ZNF407: variants seen among roughly 807,000 people sequenced by gnomAD.
ZNF407 encodes the protein zinc finger protein 407.
Under a neutral mutation model 131.2 loss-of-function variants are expected in ZNF407, and 17 were observed. The observed-to-expected ratio is 0.13, with a 90% CI of 0.09 to 0.19. The LOEUF is 0.19. Among genes scored for constraint, ZNF407 ranks in the 10% least tolerant of loss-of-function variants. The pLI, the probability that ZNF407 is intolerant of heterozygous loss-of-function variation, is 1.00. For synonymous variants in ZNF407, 1,156 were observed against 1,062.0 expected, an observed-to-expected ratio of 1.09 and a Z score of -1.72; for missense variants, 2,681 against 2,830.6, an observed-to-expected ratio of 0.95 and a Z score of 1.20.
At chr18:74,986,986 G>A (rs371000055) in intron 8 of ZNF407, among the ~76,000 whole-genome samples, 3 of 151,618 alleles carry the variant, frequency 2.0e-5, no homozygotes, top group East Asian at 3.9e-4. Flanking sequence ...TAAAATATTA[G>A]GACTAGTATC....
intron 3 of ZNF407, among the ~76,000 whole-genome samples, chr18:74,693,064 T>C (rs1967266736): frequency 6.6e-6 from 1 of 152,248 alleles, no homozygotes; most frequent in South Asian, 2.1e-4. Flanking sequence ...GCACGTCAGT[T>C]CACTGTTGGC....
chr18:75,014,277 AT>A (rs1042191327), intron 8 of ZNF407, among the ~76,000 whole-genome samples: 2 of 152,074 alleles, frequency 1.3e-5, no homozygotes, highest in South Asian at 2.1e-4. Flanking sequence ...CACCAATTTA[AT>A]TTTTTATGGG....
chr18:74,852,106 G>A (rs1181348234), intron 4 of ZNF407, among the ~76,000 whole-genome samples: 3 of 152,124 alleles, frequency 2.0e-5, no homozygotes, highest in Admixed American at 1.3e-4. Context: ...GGAACGCTGA[G>A]TCAGGACTTT....
chr18:74,776,816 C>T (rs1168081450), intron 3 of ZNF407, among the ~76,000 whole-genome samples: 2 of 152,148 alleles, frequency 1.3e-5, no homozygotes, highest in East Asian at 3.9e-4. Context: ...ATGCTGTATT[C>T]TTACAATAAA....
chr18:74,817,749 C>T (rs1006017655), intron 4 of ZNF407, among the ~76,000 whole-genome samples: 1 of 152,146 alleles, frequency 6.6e-6, no homozygotes, highest in Non-Finnish European at 1.5e-5. Flanking sequence ...AACCACAAGG[C>T]TGAGAAGTTA....
At chr18:74,969,598 G>C (rs1308119982) in intron 8 of ZNF407, among the ~76,000 whole-genome samples, 1 of 152,202 alleles carries the variant, frequency 6.6e-6, no homozygotes, top group African/African-American at 2.4e-5. Flanking sequence ...AGGTCACCAG[G>C]TGTCTGTTGG....
In ZNF407 at chr18:74,635,852, A is replaced by C; in HGVS notation, c.4687+146A>C. On this transcript the variant is annotated intron_variant, in intron 2 of 8. Transcript: ENST00000299687. The surrounding 1 kb of genome is among the most constrained non-coding windows in gnomAD (Gnocchi z 4.7). Reference sequence around the variant, plus strand: ...TGTGCTGCTCTGCTTGTCTGCAATAAGTCATTGTTGACACTTAACATTTTT... The same window carrying C: ...TGTGCTGCTCTGCTTGTCTGCAATACGTCATTGTTGACACTTAACATTTTT... 8.9e-7 allele frequency: 1 copy of C among 1,122,918 alleles called. No individual in the cohort carries two copies. The highest frequency in any genetic ancestry group is 1.2e-6 in the Non-Finnish European group (1 of 823,600). 69.6% of individuals were successfully genotyped at this position (1,122,918 alleles called of 1,614,324 possible).
intron 3 of ZNF407, among the ~76,000 whole-genome samples, chr18:74,697,420 T>C (rs1967384435): frequency 1.3e-5 from 2 of 152,190 alleles, no homozygotes; most frequent in South Asian, 4.1e-4. Flanking sequence ...GAGAGACTGC[T>C]TTATAGAGAA....
intron 3 of ZNF407, among the ~76,000 whole-genome samples, chr18:74,738,226 C>G (rs1413251327): frequency 2.6e-5 from 4 of 151,644 alleles, no homozygotes; most frequent in Admixed American, 2.6e-4. Context: ...TTGAGACCAT[C>G]CTGGCCAACA....
chr18:74,695,900 G>A (rs1967343268), intron 3 of ZNF407, among the ~76,000 whole-genome samples: 1 of 152,186 alleles, frequency 6.6e-6, no homozygotes, highest in Admixed American at 6.6e-5. Flanking sequence ...TATATTATGA[G>A]ACTACGGTGT....
chr18:74,823,926 A>G (rs1970375469), intron 4 of ZNF407, among the ~76,000 whole-genome samples: 1 of 152,194 alleles, frequency 6.6e-6, no homozygotes, highest in African/African-American at 2.4e-5. Context: ...TCAGCACCTC[A>G]TTGCACTTAT....
chr18:74,862,908 TC>T (rs1230142001), intron 4 of ZNF407, among the ~76,000 whole-genome samples: 1 of 148,008 alleles, frequency 6.8e-6, no homozygotes, highest in African/African-American at 2.4e-5. Context: ...GAAAAGTTTC[TC>T]ATTATTTCTC....
intron 8 of ZNF407, among the ~76,000 whole-genome samples, chr18:74,938,506 T>TA (rs1972063641): frequency 6.6e-6 from 1 of 152,212 alleles, no homozygotes; most frequent in Non-Finnish European, 1.5e-5. Flanking sequence ...ATTTTTTTTT[T>TA]ACCTCCAACC....
At chr18:74,715,112 T>C (rs1027504870) in intron 3 of ZNF407, among the ~76,000 whole-genome samples, 1 of 152,216 alleles carries the variant, frequency 6.6e-6, no homozygotes, top group Non-Finnish European at 1.5e-5. Flanking sequence ...TCCCGCTGCC[T>C]TACTTTCTTT....
At position 74,901,915 on chromosome 18, in the gene ZNF407, GT is replaced by G. The variant is rs34297257; in HGVS notation, c.5249+11890del. On this transcript the variant is annotated intron_variant, in intron 7 of 8. Transcript: ENST00000299687. ...ACAAGGTTTCAGTTTTATTTTTAAG[GT>G]TTTTTTTTTTTTAGTTTAAAAGTGG... Among the ~76,000 whole-genome samples, 195 of 149,654 alleles carry G rather than the reference GT, an allele frequency of 1.3e-3. 2 individuals are homozygous for G. The highest frequency in any genetic ancestry group is 3.5e-3 in the African/African-American group (143 of 40,710).
chr18:74,906,583 C>T (rs573707734), intron 7 of ZNF407, among the ~76,000 whole-genome samples: 1 of 152,162 alleles, frequency 6.6e-6, no homozygotes, highest in Non-Finnish European at 1.5e-5. Context: ...CAAAAGTTTC[C>T]TTGGACTTGG....
chr18:75,055,962 C>T (rs1973557287), intron 8 of ZNF407, among the ~76,000 whole-genome samples: 1 of 152,158 alleles, frequency 6.6e-6, no homozygotes, highest in African/African-American at 2.4e-5. Flanking sequence ...CTAATTTTTA[C>T]AGAAAAGCAA....
chr18:75,063,983 G>C lies in ZNF407; in HGVS notation c.6262G>C (p.Val2088Leu). The change falls in exon 9 of 9, where the codon GTG becomes CTG. Residue 2088 changes from valine to leucine, a missense_variant. Transcript: ENST00000299687. The surrounding 1 kb of genome is among the most constrained non-coding windows in gnomAD (Gnocchi z 6.6). The stretch of plus-strand genomic sequence containing the variant: ...GGTCCAGGGCGTCCTCCAGTTTGCT[G>C]TGTGTGACACGGCCGCGGCCGGCCA... Reference protein sequence around the residue: ...KMVQGVLQFAVCDTAAAGQLV... With the variant: ...KMVQGVLQFALCDTAAAGQLV... 1.2e-6 allele frequency: 2 copies of C among 1,613,306 alleles called. No individual in the cohort carries two copies. Among genetic ancestry groups the C allele is most frequent in the South Asian group, 1.1e-5 (1 of 90,934 alleles).
intron 4 of ZNF407, among the ~76,000 whole-genome samples, chr18:74,808,911 T>C (rs1014938566): frequency 1.3e-5 from 2 of 152,172 alleles, no homozygotes; most frequent in Non-Finnish European, 2.9e-5. Flanking sequence ...TTTCTTTTAC[T>C]GATGTAATAT....
Sources: gnomAD v4.1 joint callset for allele counts (sites outside exome capture counted in the v4.1 genomes callset) on GRCh38, gnomAD v4.1.1 for gene constraint, Gnocchi (gnomAD v3.1) non-coding constraint, MANE v1.5 for transcripts, NCBI Gene and HGNC (gene_info 2026-07-23, HGNC 2026-07-21) for gene names.